The following CDH8 variants were observed in gnomAD, a reference collection of about 807,000 sequenced individuals.
CDH8 encodes cadherin 8.
In CDH8, 17 loss-of-function variants were observed where a neutral mutation model predicts 68.1. The observed-to-expected ratio is 0.25, with a 90% CI of 0.17 to 0.37. The LOEUF is 0.37. CDH8 is among the 10% of genes least tolerant of loss of function. The probability of loss-of-function intolerance (pLI) is 1.00; values close to 1 mark genes in which losing one functional copy is unlikely to be tolerated. For missense variants in CDH8, 763 were observed against 999.3 expected, an observed-to-expected ratio of 0.76 and a Z score of 3.19; for synonymous variants, 372 against 365.1, an observed-to-expected ratio of 1.02 and a Z score of -0.21.
At chr16:61,967,470 G>C (rs1356510439) in intron 2 of CDH8, among the ~76,000 whole-genome samples, 1 of 152,158 alleles carries the variant, frequency 6.6e-6, no homozygotes, top group East Asian at 1.9e-4. Context: ...CTTAGCACCA[G>C]GAGGATTTGG....
chr16:61,748,887 C>G (rs1960090213), intron 8 of CDH8, among the ~76,000 whole-genome samples: 1 of 152,016 alleles, frequency 6.6e-6, no homozygotes, highest in Non-Finnish European at 1.5e-5. Flanking sequence ...ATAATGATCA[C>G]AGAGTAATGG....
At chr16:61,876,171 G>A (rs975802472) in intron 3 of CDH8, among the ~76,000 whole-genome samples, 4 of 152,076 alleles carry the variant, frequency 2.6e-5, no homozygotes, top group African/African-American at 4.8e-5. Flanking sequence ...CACTGTGCCC[G>A]GCCAGGTTTT....
intron 8 of CDH8, among the ~76,000 whole-genome samples, chr16:61,779,544 G>C (rs1243600568): frequency 6.7e-6 from 1 of 148,646 alleles, no homozygotes; most frequent in Non-Finnish European, 1.5e-5. Context: ...TAATTCAATA[G>C]GTCTCAAACG....
At chr16:61,797,581 G>GGATTGCCTTAAAAGGTTAAGGTATGCC (rs1961528044) in intron 7 of CDH8, among the ~76,000 whole-genome samples, 2 of 152,030 alleles carry the variant, frequency 1.3e-5, no homozygotes, top group African/African-American at 4.8e-5. Context: ...GAGAACAACA[G>GGATTGCCTTAAAAGGTTAAGGTATGCC]GATTGCCTTA....
intron 7 of CDH8, among the ~76,000 whole-genome samples, chr16:61,811,005 C>G (rs1961932176): frequency 7.8e-6 from 1 of 127,554 alleles, no homozygotes; most frequent in Non-Finnish European, 1.6e-5. Context: ...GCCTGGGTGA[C>G]AGAGTGAGAC....
At chr16:62,004,425 A>G (rs192347830) in intron 2 of CDH8, among the ~76,000 whole-genome samples, 1 of 152,214 alleles carries the variant, frequency 6.6e-6, no homozygotes, top group East Asian at 1.9e-4. Context: ...ACAAGCCTGG[A>G]CTCTTGACCA....
intron 2 of CDH8, among the ~76,000 whole-genome samples, chr16:61,904,934 C>T (rs537320976): frequency 3.9e-4 from 59 of 152,340 alleles, no homozygotes; most frequent in Non-Finnish European, 6.5e-4. Flanking sequence ...ATTAGATTCT[C>T]ATAGGAGCAG....
chr16:61,857,830 G>T (rs1477191267), intron 3 of CDH8, among the ~76,000 whole-genome samples: 1 of 151,800 alleles, frequency 6.6e-6, no homozygotes, highest in Non-Finnish European at 1.5e-5. Context: ...CAACAATTGA[G>T]CATATACAGT....
intron 7 of CDH8, among the ~76,000 whole-genome samples, chr16:61,813,062 T>C (rs980788143): frequency 6.6e-6 from 1 of 152,178 alleles, no homozygotes; most frequent in African/African-American, 2.4e-5. Context: ...TCACAGCCAA[T>C]AATAACAAAC....
chr16:61,757,748 GC>G (rs1960360228), intron 8 of CDH8, among the ~76,000 whole-genome samples: 5 of 152,138 alleles, frequency 3.3e-5, no homozygotes. Flanking sequence ...CAATTTGCCA[GC>G]CATATGATTG....
At chr16:61,846,054 A>G (rs1962800265) in intron 4 of CDH8, among the ~76,000 whole-genome samples, 1 of 152,138 alleles carries the variant, frequency 6.6e-6, no homozygotes, top group African/African-American at 2.4e-5. Context: ...TTTTTAAGGA[A>G]CGAAGGACTG....
intron 2 of CDH8, among the ~76,000 whole-genome samples, chr16:61,985,011 C>A (rs1386752043): frequency 6.6e-6 from 1 of 151,986 alleles, no homozygotes; most frequent in African/African-American, 2.4e-5. Flanking sequence ...TAATATCTGC[C>A]TGGTTATTAC....
At chr16:61,981,508 T>A (rs535947352) in intron 2 of CDH8, among the ~76,000 whole-genome samples, 1 of 151,942 alleles carries the variant, frequency 6.6e-6, no homozygotes, top group South Asian at 2.1e-4. Context: ...GTCTCTAGAG[T>A]ATTGCACAGA....
At chr16:61,770,599 C>T (rs1214382289) in intron 8 of CDH8, among the ~76,000 whole-genome samples, 2 of 151,920 alleles carry the variant, frequency 1.3e-5, no homozygotes, top group East Asian at 3.9e-4. Context: ...TCCAAAACTT[C>T]CTGGATGGCT....
At chr16:61,667,022 T>C (rs911774007) in intron 10 of CDH8, among the ~76,000 whole-genome samples, 1 of 152,046 alleles carries the variant, frequency 6.6e-6, no homozygotes, top group African/African-American at 2.4e-5. Flanking sequence ...TAAGTCTTTG[T>C]GAAGCCAGTC....
intron 10 of CDH8, among the ~76,000 whole-genome samples, chr16:61,684,325 A>C (rs931083434): frequency 4.6e-5 from 7 of 151,970 alleles, no homozygotes; most frequent in African/African-American, 9.7e-5. Flanking sequence ...TATGTTGCTA[A>C]ATCCTGTGTT....
At chr16:61,829,462 C>T (rs1597002196) in intron 4 of CDH8, among the ~76,000 whole-genome samples, 1 of 151,820 alleles carries the variant, frequency 6.6e-6, no homozygotes, top group East Asian at 1.9e-4. Context: ...AAACATTTTG[C>T]CTGCATGTCA....
intron 2 of CDH8, among the ~76,000 whole-genome samples, chr16:61,953,926 T>A (rs377389316): frequency 2.6e-4 from 31 of 118,978 alleles, no homozygotes; most frequent in African/African-American, 6.6e-4. Flanking sequence ...TATATATATA[T>A]AAAATACCTT....
At chr16:61,809,110 C>T (rs191105924) in intron 7 of CDH8, among the ~76,000 whole-genome samples, 104 of 151,392 alleles carry the variant, frequency 6.9e-4, no homozygotes, top group Admixed American at 2.6e-3. Flanking sequence ...CGCTTGAACC[C>T]GGAAGGTGGG....
Sources: gnomAD v4.1 joint callset for allele counts (sites outside exome capture counted in the v4.1 genomes callset) on GRCh38, gnomAD v4.1.1 for gene constraint, MANE v1.5 for transcripts, NCBI Gene and HGNC (gene_info 2026-07-23, HGNC 2026-07-21) for gene names.